LMBR1: variants seen among roughly 807,000 people sequenced by gnomAD.
LMBR1 encodes the protein limb development membrane protein 1.
A neutral mutation model predicts 73.9 loss-of-function variants in LMBR1; 52 were observed. The observed-to-expected ratio is 0.70, with a 90% CI of 0.56 to 0.89. LMBR1 has a LOEUF of 0.89. LMBR1 is among the 40% of genes least tolerant of loss of function. The pLI is 0.00. For missense variants in LMBR1, 539 were observed against 579.8 expected (o/e 0.93, Z 0.72); for synonymous variants, 215 against 209.4 (o/e 1.03, Z -0.23).
At chr7:156,755,481 A>G (rs1388391851) in intron 9 of LMBR1, among the ~76,000 whole-genome samples, 1 of 152,230 alleles carries the variant, frequency 6.6e-6, no homozygotes, top group African/African-American at 2.4e-5. Flanking sequence ...ACAATCCTAC[A>G]CTGCAGGGAG....
intron 4 of LMBR1, among the ~76,000 whole-genome samples, chr7:156,818,667 C>T (rs2133719394): frequency 6.6e-6 from 1 of 152,242 alleles, no homozygotes; most frequent in African/African-American, 2.4e-5. Context: ...GCAACCACCA[C>T]CTTTACCTAA....
At chr7:156,839,197 A>C (rs1436931599) in intron 1 of LMBR1, among the ~76,000 whole-genome samples, 2 of 151,488 alleles carry the variant, frequency 1.3e-5, no homozygotes, top group Non-Finnish European at 2.9e-5. Flanking sequence ...CTACAGGCTC[A>C]CACCACCACA....
chr7:156,892,979 G>C lies in LMBR1; in HGVS notation c.15C>G (p.Asp5Glu). MEGQ[D>E]EVSAREQHFH... ...AGTGCTGCTCCCGCGCCGACACCTC[G>C]TCCTGCCCTTCCATCCTCCTTCATG... is the stretch of plus-strand genomic sequence containing the variant. The change falls in exon 1 of 17, where the codon GAC (aspartate) becomes GAG (glutamate). Residue 5 changes from aspartate to glutamate, a missense_variant. By Grantham distance (45) the Asp-to-Glu change is conservative (BLOSUM62 2). Around this residue, in one of 3 missense-constraint regions of LMBR1, gnomAD observed 454 missense variants for 473.4 expected, o/e 0.96. Transcript: ENST00000353442. 1 of 1,539,638 alleles carries C rather than the reference G, an allele frequency of 6.5e-7. No homozygotes were observed. The highest frequency in any genetic ancestry group is 2.7e-5 in the East Asian group (1 of 36,890).
intron 15 of LMBR1, among the ~76,000 whole-genome samples, chr7:156,696,529 G>T (rs1585228530): frequency 1.3e-5 from 2 of 152,172 alleles, no homozygotes; most frequent in Non-Finnish European, 2.9e-5. Context: ...CATATGGCTA[G>T]GAAGGCCTCA....
intron 1 of LMBR1, among the ~76,000 whole-genome samples, chr7:156,872,939 A>G (rs1361860147): frequency 6.6e-6 from 1 of 152,136 alleles, no homozygotes; most frequent in Non-Finnish European, 1.5e-5. Context: ...ATGTGTCCGG[A>G]ATTGGTGGGT....
intron 9 of LMBR1, 59 bp from the exon 10 acceptor site, chr7:156,734,316 T>C: frequency 9.5e-7 from 1 of 1,057,608 alleles, no homozygotes; most frequent in South Asian, 1.7e-5. Context: ...ATAGAACAGG[T>C]AGCCCTTTAA....
chr7:156,691,393 T>A (rs1244287902), intron 15 of LMBR1, among the ~76,000 whole-genome samples: 1 of 152,212 alleles, frequency 6.6e-6, no homozygotes, highest in African/African-American at 2.4e-5. Context: ...AAATATTTTA[T>A]GCATAATTCC....
intron 9 of LMBR1, among the ~76,000 whole-genome samples, chr7:156,740,976 T>C (rs1193100175): frequency 6.6e-6 from 1 of 152,186 alleles, no homozygotes; most frequent in Non-Finnish European, 1.5e-5. Context: ...CAGTAAGACA[T>C]AAAAAGAAAC....
At chr7:156,886,636 G>A (rs886134215) in intron 1 of LMBR1, among the ~76,000 whole-genome samples, 5 of 152,144 alleles carry the variant, frequency 3.3e-5, no homozygotes, top group African/African-American at 1.2e-4. Context: ...GATCACTTAG[G>A]GTCTGGCAGT....
intron 1 of LMBR1, among the ~76,000 whole-genome samples, chr7:156,882,126 T>G (rs1472215429): frequency 6.6e-6 from 1 of 152,214 alleles, no homozygotes; most frequent in Non-Finnish European, 1.5e-5. Context: ...TGGAATACTA[T>G]TCACCTTTAA....
rs368105259 is a variant in LMBR1 at position 156,786,229 on chromosome 7, AGAAGGAG to A, written c.423+10153_423+10159del. Among the ~76,000 whole-genome samples, 874 of 138,708 alleles carry A rather than the reference AGAAGGAG, an allele frequency of 6.3e-3. 9 individuals carry two copies. Among genetic ancestry groups the A allele is most frequent in the African/African-American group, 0.019 (701 of 36,770 alleles). 91.0% of individuals were successfully genotyped at this position (138,708 alleles called of 152,430 possible). ...GAAGGGAAGGAAGGAGGAAGGGAAG[AGAAGGAG>A]GAAGGAGGAAGGAGGAAGGAGGAAG... On this transcript the variant is annotated intron_variant, in intron 5 of 16. Coordinates refer to ENST00000353442, the MANE Select transcript of LMBR1 (RefSeq NM_022458.4).
chr7:156,852,963 G>C (rs1052783283), intron 1 of LMBR1, among the ~76,000 whole-genome samples: 1 of 148,856 alleles, frequency 6.7e-6, no homozygotes, highest in Non-Finnish European at 1.5e-5. Context: ...TTTTGAGACA[G>C]AGTCTCAATC....
chr7:156,728,892 C>G (rs1322029826), intron 10 of LMBR1, among the ~76,000 whole-genome samples, 172 bp from the exon 11 acceptor site: 1 of 152,176 alleles, frequency 6.6e-6, no homozygotes, highest in African/African-American at 2.4e-5. Flanking sequence ...GTCACCCAGG[C>G]TAGAGCACAA....
Position 156,796,448 on chromosome 7 carries a change from C to T in LMBR1, c.364G>A (p.Val122Ile), listed in dbSNP as rs771506654. 1.2e-6 allele frequency: 2 copies of T among 1,606,888 alleles called. No individual in the cohort carries two copies. The highest frequency in any genetic ancestry group is 3.4e-5 in the Admixed American group (2 of 59,222). ...ASLFSNLCLFVLMPFAFFFLE... is the reference protein window; with the variant it reads ...ASLFSNLCLFILMPFAFFFLE... ...AAGAAAAAGGCAAAGGGCATCAATA[C>T]AAATAAACAAAGGTTGGAAAAAAGG... Residue 122 changes from valine to isoleucine, a missense_variant, in exon 5 of 17, where the codon GTA becomes ATA. Physicochemically the swap from Val to Ile is conservative, Grantham distance 29. Around this residue, in one of 3 missense-constraint regions of LMBR1, gnomAD observed 454 missense variants for 473.4 expected, o/e 0.96. Coordinates refer to ENST00000353442, the MANE Select transcript of LMBR1 (RefSeq NM_022458.4).
At chr7:156,766,336 A>T (rs927988501) in intron 5 of LMBR1, among the ~76,000 whole-genome samples, 1 of 152,064 alleles carries the variant, frequency 6.6e-6, no homozygotes, top group Non-Finnish European at 1.5e-5. Context: ...CCCGATATAA[A>T]TATGGTGGGT....
chr7:156,812,785 C>T (rs1833312697), intron 4 of LMBR1, among the ~76,000 whole-genome samples: 1 of 152,212 alleles, frequency 6.6e-6, no homozygotes, highest in Non-Finnish European at 1.5e-5. Context: ...AAATGATTCT[C>T]TGTGCAGCAA....
intron 4 of LMBR1, among the ~76,000 whole-genome samples, chr7:156,816,253 T>C (rs772991975): frequency 6.0e-4 from 91 of 152,292 alleles, no homozygotes; most frequent in Non-Finnish European, 1.0e-3. Context: ...CTGCCCAGGC[T>C]GGAGTGCAGT....
At chr7:156,750,205 T>C (rs186938003) in intron 9 of LMBR1, among the ~76,000 whole-genome samples, 167 of 152,306 alleles carry the variant, frequency 1.1e-3, no homozygotes, top group Non-Finnish European at 1.4e-3. Context: ...AGTACACCCA[T>C]AGGCTATACA....
intron 15 of LMBR1, among the ~76,000 whole-genome samples, chr7:156,721,931 C>T (rs553854650): frequency 1.1e-4 from 17 of 151,934 alleles, no homozygotes; most frequent in East Asian, 1.9e-4. Flanking sequence ...CTAAAGCCTG[C>T]GATGCATCAA....
Sources: gnomAD v4.1 joint callset for allele counts (sites outside exome capture counted in the v4.1 genomes callset) on GRCh38, gnomAD v4.1.1 for gene constraint, gnomAD v4.1.1 regional missense constraint, MANE v1.5 for transcripts, NCBI Gene and HGNC (gene_info 2026-07-23, HGNC 2026-07-21) for gene names.